DHX16: variants seen among roughly 807,000 people sequenced by gnomAD.
DHX16 encodes the protein pre-mRNA-splicing factor ATP-dependent RNA helicase DHX16.
In DHX16, 81 loss-of-function variants were observed where a neutral mutation model predicts 131.2. The observed-to-expected ratio is 0.62, with a 90% CI of 0.52 to 0.74. DHX16 has a LOEUF of 0.74. Among genes scored for constraint, DHX16 ranks in the 30% least tolerant of loss-of-function variants. DHX16 has a pLI of 0.00. For synonymous variants in DHX16, 440 were observed against 520.2 expected, an observed-to-expected ratio of 0.85 and a Z score of 2.10; for missense variants, 980 against 1,363.1, an observed-to-expected ratio of 0.72 and a Z score of 4.43.
rs1433791382 is a variant in DHX16 at position 30,662,408 on chromosome 6, G to A, written c.1544+219C>T. Among the ~76,000 whole-genome samples, 2 of 152,202 alleles carry A rather than the reference G, an allele frequency of 1.3e-5. No individual in the cohort carries two copies. The highest frequency in any genetic ancestry group is 2.9e-5 in the Non-Finnish European group (2 of 68,042). ...TTTCAAGTCTCGGCAGCAATGCTCT[G>A]CTATCCTGGTTGTTTTCTAAACCCT... is the stretch of plus-strand genomic sequence containing the variant. On this transcript the variant is annotated intron_variant, in intron 9 of 19. Transcript: ENST00000376442. This position sits in a 1 kb window ranked among gnomAD's most constrained non-coding sequence, Gnocchi z 4.7.
At position 30,670,347 on chromosome 6, in the gene DHX16, C is replaced by CA; in HGVS notation, c.666+62dup. On this transcript the variant is annotated intron_variant, in intron 4 of 19. Coordinates refer to ENST00000376442, the MANE Select transcript of DHX16 (RefSeq NM_003587.5). The surrounding 1 kb of genome is among the most constrained non-coding windows in gnomAD (Gnocchi z 4.4). The stretch of plus-strand genomic sequence containing the variant: ...TTCCTCTGTATCCTCTCTCCCTATA[C>CA]ACTCTATCAGAAAGTCTTTCCTTTT... The CA allele has an allele frequency of 6.7e-7, 1 of 1,503,432 alleles. No homozygotes were observed. The highest frequency in any genetic ancestry group is 9.1e-7 in the Non-Finnish European group (1 of 1,100,246). 93.1% of individuals were successfully genotyped at this position (1,503,432 alleles called of 1,614,324 possible). A position where few individuals can be genotyped will look rare whatever the true frequency, so the allele number is the denominator to read the frequency against.
At chr6:30,655,033 A>G (rs1471893038) in intron 18 of DHX16, 142 bp downstream of exon 18, 14 of 1,401,230 alleles carry the variant, frequency 1.0e-5, no homozygotes, top group Non-Finnish European at 1.4e-5. Context: ...GGTCTGGGGA[A>G]GAAAGGGCCC....
At position 30,672,923 on chromosome 6, in the gene DHX16, T is replaced by C. The variant is rs1411037959; in HGVS notation, c.-82A>G. The stretch of plus-strand genomic sequence containing the variant: ...TGGGCCGGTCAGAGGCCTGGAGCCC[T>C]CGGCTGGAGCCTCAGCTTCGCAAGT... On this transcript the variant is annotated 5_prime_UTR_variant, in exon 1 of 20. Transcript: ENST00000376442. 1 of 1,575,072 alleles carries C rather than the reference T, an allele frequency of 6.3e-7. No homozygotes were observed. Among genetic ancestry groups the C allele is most frequent in the African/African-American group, 1.4e-5 (1 of 73,714 alleles).
chr6:30,671,397 T>A, intron 1 of DHX16, 123 bp from the exon 2 acceptor site: 1 of 888,274 alleles, frequency 1.1e-6, no homozygotes, highest in Non-Finnish European at 1.8e-6. Flanking sequence ...GGCCCCACTG[T>A]CAGGCAATGG....
At chr6:30,653,720 A>G (rs548978655) in intron 19 of DHX16, among the ~76,000 whole-genome samples, 1 of 145,356 alleles carries the variant, frequency 6.9e-6, no homozygotes, top group South Asian at 2.3e-4. Context: ...TTCCTCTTTG[A>G]CTGCAGGGCT....
At chr6:30,660,800 TG>T (rs1768438766) in intron 9 of DHX16, among the ~76,000 whole-genome samples, 1 of 151,608 alleles carries the variant, frequency 6.6e-6, no homozygotes, top group Non-Finnish European at 1.5e-5. Context: ...GAGAATCGCT[TG>T]AACCTGGGAG....
At chr6:30,668,063 T>C (rs1300903413) in intron 4 of DHX16, among the ~76,000 whole-genome samples, 1 of 152,230 alleles carries the variant, frequency 6.6e-6, no homozygotes, top group African/African-American at 2.4e-5. Flanking sequence ...AGAGAGATCT[T>C]AGTCGATACA....
Position 30,657,101 on chromosome 6 carries a change from T to C in DHX16, c.2008-9A>G, listed in dbSNP as rs779759821. 37 of 1,611,108 alleles carry C rather than the reference T, an allele frequency of 2.3e-5. No individual in the cohort carries two copies. Among genetic ancestry groups the C allele is most frequent in the Non-Finnish European group, 3.1e-5 (37 of 1,179,046 alleles). Reference sequence around the variant, plus strand: ...TTCGTTGCCACAACCACCTGAGTGATAGGATATGGGGTCACCCAGTGACCC... The same window carrying C: ...TTCGTTGCCACAACCACCTGAGTGACAGGATATGGGGTCACCCAGTGACCC... On this transcript the variant is annotated splice_polypyrimidine_tract_variant and intron_variant, in intron 12 of 19. Transcript: ENST00000376442.
intron 7 of DHX16, among the ~76,000 whole-genome samples, chr6:30,664,453 G>A (rs1768815731): frequency 6.7e-6 from 1 of 149,434 alleles, no homozygotes; most frequent in Non-Finnish European, 1.5e-5. Context: ...CTCCAGCCTG[G>A]GTGACAGAGC....
At position 30,656,706 on chromosome 6, in the gene DHX16, G is replaced by A. The variant is rs746592269; in HGVS notation, c.2202C>T (p.Cys734=). Reference sequence around the variant, plus strand: ...AGGCCCAGGCGGTATACAGGCGGAAGCACTTCCCTGCAGCCACCCGACCTG... The same window carrying A: ...AGGCCCAGGCGGTATACAGGCGGAAACACTTCCCTGCAGCCACCCGACCTG... ...GRAGRVAAGK[C]FRLYTAWAYQ... The change falls in exon 14 of 20, where the codon TGC becomes TGT. Residue 734 remains cysteine (C), a synonymous_variant. Transcript: ENST00000376442. The surrounding 1 kb of genome is among the most constrained non-coding windows in gnomAD (Gnocchi z 5.1). The A allele has an allele frequency of 1.2e-6, 2 of 1,613,282 alleles. No homozygotes were observed. The highest frequency in any genetic ancestry group is 1.7e-5 in the Admixed American group (1 of 60,020).
In DHX16 at chr6:30,670,473, G is replaced by C. The variant is rs765172290; in HGVS notation, c.610-7C>G. ...TCTGAGCCTCTTCATAAGCCTAGAA[G>C]AAAAAACAAGAATGGAGGGGTGTGA... is the stretch of plus-strand genomic sequence containing the variant. On this transcript the variant is annotated splice_polypyrimidine_tract_variant and splice_region_variant and intron_variant, in intron 3 of 19. Transcript: ENST00000376442. This position sits in a 1 kb window ranked among gnomAD's most constrained non-coding sequence, Gnocchi z 4.4. 2 of 1,610,200 alleles carry C rather than the reference G, an allele frequency of 1.2e-6. No individual in the cohort carries two copies. The highest frequency in any genetic ancestry group is 1.7e-6 in the Non-Finnish European group (2 of 1,178,554).
Position 30,659,831 on chromosome 6 carries a change from G to C in DHX16, c.1759C>G (p.Pro587Ala). 1 of 1,614,078 alleles carries C rather than the reference G, an allele frequency of 6.2e-7. No homozygotes were observed. Among genetic ancestry groups the C allele is most frequent in the Non-Finnish European group, 8.5e-7 (1 of 1,179,970 alleles). ...FPVDIFYTKA[P>A]EADYLEACVV... is the part of the protein sequence containing the mutation. ...CAAGCTTCCAAGTAGTCAGCCTCTGGAGCCTGGAGAGCAGAAAGAGATGGG... is the reference window on the plus strand; with the variant it reads ...CAAGCTTCCAAGTAGTCAGCCTCTGCAGCCTGGAGAGCAGAAAGAGATGGG... The change falls in exon 11 of 20, where the codon CCA (proline) becomes GCA (alanine). Residue 587 changes from proline (P) to alanine (A), a missense_variant. Physicochemically the swap from Pro to Ala is conservative, Grantham distance 27. Around this residue, in one of 3 missense-constraint regions of DHX16, gnomAD observed 309 missense variants for 537.1 expected, o/e 0.58. Transcript: ENST00000376442.
At chr6:30,669,083 CAACA>C (rs978054710) in intron 4 of DHX16, among the ~76,000 whole-genome samples, 272 of 151,584 alleles carry the variant, frequency 1.8e-3, no homozygotes, top group African/African-American at 6.2e-3. Context: ...TCAGCCTGAG[CAACA>C]AGTGCAAAAC....
intron 4 of DHX16, among the ~76,000 whole-genome samples, chr6:30,666,062 T>C (rs1383449454): frequency 6.6e-6 from 1 of 152,088 alleles, no homozygotes; most frequent in African/African-American, 2.4e-5. Context: ...TTTATTCAAA[T>C]TAGTGGAAAG....
In DHX16 at chr6:30,665,005, A is replaced by G. The variant is rs1561988988; in HGVS notation, c.1126-13T>C. 3 of 1,613,120 alleles carry G rather than the reference A, an allele frequency of 1.9e-6. No individual in the cohort carries two copies. The East Asian group carries it at 6.7e-5, about 36-fold the overall frequency. ...GAGCTGACGGCTCCTAAGGAAAGAGAAGGAGGTGTGAGCTAAATAGCTCGC... is the reference window on the plus strand; with the variant it reads ...GAGCTGACGGCTCCTAAGGAAAGAGGAGGAGGTGTGAGCTAAATAGCTCGC... On this transcript the variant is annotated splice_polypyrimidine_tract_variant and intron_variant, in intron 6 of 19. Coordinates refer to ENST00000376442, the MANE Select transcript of DHX16 (RefSeq NM_003587.5). This position sits in a 1 kb window ranked among gnomAD's most constrained non-coding sequence, Gnocchi z 4.8.
At position 30,656,300 on chromosome 6, in the gene DHX16, T is replaced by C; in HGVS notation, c.2431-35A>G. 2 of 1,613,288 alleles carry C rather than the reference T, an allele frequency of 1.2e-6. No individual in the cohort carries two copies. The highest frequency in any genetic ancestry group is 8.5e-7 in the Non-Finnish European group (1 of 1,179,424). On this transcript the variant is annotated intron_variant, in intron 15 of 19. Coordinates refer to ENST00000376442, the MANE Select transcript of DHX16 (RefSeq NM_003587.5). This position sits in a 1 kb window ranked among gnomAD's most constrained non-coding sequence, Gnocchi z 5.1. ...AGAGAGAGAGAGTTGAGCCCAGTCCTCCCTCAGGTTTCCCGCTACTACTAC... is the reference window on the plus strand; with the variant it reads ...AGAGAGAGAGAGTTGAGCCCAGTCCCCCCTCAGGTTTCCCGCTACTACTAC...
chr6:30,665,813 AT>A lies in DHX16; in HGVS notation c.667-81del. 6.6e-7 allele frequency: 1 copy of A among 1,521,892 alleles called. No individual in the cohort carries two copies. The highest frequency in any genetic ancestry group is 8.8e-7 in the Non-Finnish European group (1 of 1,139,486). The allele number at this position is 1,521,892 out of a possible 1,614,324, so 94.3% of individuals were successfully genotyped here. On this transcript the variant is annotated intron_variant, in intron 4 of 19. Coordinates refer to ENST00000376442, the MANE Select transcript of DHX16 (RefSeq NM_003587.5). This position sits in a 1 kb window ranked among gnomAD's most constrained non-coding sequence, Gnocchi z 4.8. The stretch of plus-strand genomic sequence containing the variant: ...CTCTACCAATCCCTACAAGGGAAAA[AT>A]CCCCTGACAGGCAGGCATGAGAACC...
chr6:30,669,937 G>A (rs887059329), intron 4 of DHX16, among the ~76,000 whole-genome samples: 1 of 151,978 alleles, frequency 6.6e-6, no homozygotes, highest in Admixed American at 6.6e-5. Flanking sequence ...GAAGACACAG[G>A]GAGATCACAA....
At chr6:30,659,861 C>G in intron 10 of DHX16, 27 bp from the exon 11 acceptor site, 1 of 1,607,920 alleles carries the variant, frequency 6.2e-7, no homozygotes. Flanking sequence ...GATGGGGTCA[C>G]AGGAGGGCCA....
Sources: allele counts gnomAD v4.1 joint callset (sites outside exome capture counted in the v4.1 genomes callset), GRCh38; gene constraint gnomAD v4.1.1; regional missense constraint gnomAD v4.1.1; non-coding constraint Gnocchi (gnomAD v3.1); transcripts MANE v1.5; gene names NCBI Gene and HGNC (gene_info 2026-07-23, HGNC 2026-07-21).